Variants in LURAP1L observed in about 807,000 individuals in gnomAD.
LURAP1L encodes the protein leucine rich adaptor protein 1 like, also known as leucine rich adaptor protein 1-like.
Under a neutral mutation model 13.8 loss-of-function variants are expected in LURAP1L, and 12 were observed. That is an observed-to-expected ratio of 0.87 (90% CI 0.56 to 1.41). The LOEUF (loss-of-function observed/expected upper bound fraction) is 1.41, where lower values mean the gene tolerates loss of function less well. Ranked by LOEUF, LURAP1L falls within the 40% of genes most tolerant of loss-of-function variation. The probability of loss-of-function intolerance (pLI) is 0.00; values close to 1 mark genes in which losing one functional copy is unlikely to be tolerated. For missense variants in LURAP1L, 375 were observed against 292.9 expected (o/e 1.28, Z -2.04); for synonymous variants, 139 against 119.2 (o/e 1.17, Z -1.08).
In LURAP1L at chr9:12,821,619, T is replaced by C; in HGVS notation, c.546T>C (p.Tyr182=). 1.2e-6 allele frequency: 2 copies of C among 1,614,198 alleles called. No homozygotes were observed. The highest frequency in any genetic ancestry group is 1.7e-6 in the Non-Finnish European group (2 of 1,180,036). Residue 182 remains tyrosine (Y), a synonymous_variant, in exon 2 of 2, where the codon TAT becomes TAC. Coordinates refer to ENST00000319264, the MANE Select transcript of LURAP1L (RefSeq NM_203403.2). ...TGGATGGCATTTCCGTGGGAAGTTA[T>C]CTGGACACGTTGGCGGATGATGTCC... ...DGLDGISVGS[Y]LDTLADDVPG...
chr9:12,781,960 G>A (rs892929788), intron 1 of LURAP1L, among the ~76,000 whole-genome samples: 6 of 152,190 alleles, frequency 3.9e-5, no homozygotes, highest in Non-Finnish European at 8.8e-5. Flanking sequence ...TATAACTGGG[G>A]TGAGATAATA....
At chr9:12,782,270 A>AT (rs1358353518) in intron 1 of LURAP1L, among the ~76,000 whole-genome samples, 1 of 151,998 alleles carries the variant, frequency 6.6e-6, no homozygotes, top group Non-Finnish European at 1.5e-5. Flanking sequence ...ATGTGATCCC[A>AT]TTTTTCCATT....
intron 1 of LURAP1L, among the ~76,000 whole-genome samples, chr9:12,800,322 A>G (rs1355275092): frequency 6.6e-6 from 1 of 152,214 alleles, no homozygotes; most frequent in African/African-American, 2.4e-5. Flanking sequence ...TTTGGATTAG[A>G]AAATTGGTAT....
intron 1 of LURAP1L, among the ~76,000 whole-genome samples, chr9:12,791,904 T>C (rs998003466): frequency 6.6e-6 from 1 of 152,120 alleles, no homozygotes; most frequent in African/African-American, 2.4e-5. Flanking sequence ...GTCACTTTAT[T>C]TCTGCTGACT....
chr9:12,801,297 T>C (rs1487069636), intron 1 of LURAP1L, among the ~76,000 whole-genome samples: 1 of 151,082 alleles, frequency 6.6e-6, no homozygotes, highest in East Asian at 1.9e-4. Context: ...TAGGATATTA[T>C]GTTAAATGTG....
At chr9:12,818,145 A>G (rs573914540) in intron 1 of LURAP1L, among the ~76,000 whole-genome samples, 1 of 152,100 alleles carries the variant, frequency 6.6e-6, no homozygotes, top group Non-Finnish European at 1.5e-5. Context: ...AAAAAAAAAA[A>G]AAAGATTTTC....
chr9:12,794,832 A>G (rs1819490737), intron 1 of LURAP1L, among the ~76,000 whole-genome samples: 1 of 151,754 alleles, frequency 6.6e-6, no homozygotes, highest in South Asian at 2.1e-4. Context: ...GACTAAAGAT[A>G]TGTTTTTAGG....
Position 12,782,417 on chromosome 9 carries a change from T to C in LURAP1L, c.312+6390T>C, listed in dbSNP as rs115877007. Among the ~76,000 whole-genome samples the C allele has an allele frequency of 5.7e-3, 868 of 152,314 alleles. 7 individuals carry two copies. Among genetic ancestry groups the C allele is most frequent in the African/African-American group, 0.02 (848 of 41,588 alleles). Reference sequence around the variant, plus strand: ...TAAGTCTTTGATTAGATTTTGTATATGGCAAGAGATAGGGGTCTAGTTTCA... The same window carrying C: ...TAAGTCTTTGATTAGATTTTGTATACGGCAAGAGATAGGGGTCTAGTTTCA... On this transcript the variant is annotated intron_variant, in intron 1 of 1. Coordinates refer to ENST00000319264, the MANE Select transcript of LURAP1L (RefSeq NM_203403.2).
intron 1 of LURAP1L, among the ~76,000 whole-genome samples, chr9:12,779,266 CTTTTT>C (rs71329885): frequency 1.1e-5 from 1 of 90,254 alleles, no homozygotes; most frequent in Non-Finnish European, 2.1e-5. Flanking sequence ...ATCTTATAAT[CTTTTT>C]TTTTTTTTTT....
At chr9:12,793,647 T>A (rs933002010) in intron 1 of LURAP1L, among the ~76,000 whole-genome samples, 10 of 152,090 alleles carry the variant, frequency 6.6e-5, no homozygotes, top group African/African-American at 2.4e-4. Context: ...TCATACATGA[T>A]ATGATCAAAA....
At chr9:12,802,148 C>T (rs947489918) in intron 1 of LURAP1L, among the ~76,000 whole-genome samples, 26 of 152,154 alleles carry the variant, frequency 1.7e-4, no homozygotes, top group Admixed American at 3.3e-4. Flanking sequence ...TTTTCTGTAA[C>T]TTCCTTTGTT....
chr9:12,808,218 T>C (rs1202479262), intron 1 of LURAP1L, among the ~76,000 whole-genome samples: 1 of 152,136 alleles, frequency 6.6e-6, no homozygotes, highest in African/African-American at 2.4e-5. Flanking sequence ...TTTTCTTCTC[T>C]CTGAAGAACT....
intron 1 of LURAP1L, among the ~76,000 whole-genome samples, chr9:12,792,352 A>G (rs915525114): frequency 1.3e-5 from 2 of 152,158 alleles, no homozygotes; most frequent in African/African-American, 2.4e-5. Context: ...TGTCTAAAAA[A>G]AAAGATTTCT....
At chr9:12,814,442 T>C (rs1054100427) in intron 1 of LURAP1L, 4 of 152,208 alleles carry the variant, frequency 2.6e-5, no homozygotes, top group African/African-American at 9.6e-5. Flanking sequence ...TAAATTACTC[T>C]TTGCACATTC....
At chr9:12,780,163 G>T (rs112548084) in intron 1 of LURAP1L, among the ~76,000 whole-genome samples, 96 of 152,288 alleles carry the variant, frequency 6.3e-4, no homozygotes, top group African/African-American at 2.3e-3. Flanking sequence ...TCCCTAGAAA[G>T]AACTAGAAAC....
chr9:12,804,904 G>A (rs1819635605), intron 1 of LURAP1L, among the ~76,000 whole-genome samples: 1 of 151,954 alleles, frequency 6.6e-6, no homozygotes, highest in African/African-American at 2.4e-5. Flanking sequence ...CAGCCCACCT[G>A]TTTTTGTAAA....
intron 1 of LURAP1L, among the ~76,000 whole-genome samples, chr9:12,815,714 C>T (rs987613856): frequency 2.6e-5 from 4 of 152,030 alleles, no homozygotes; most frequent in Non-Finnish European, 5.9e-5. Context: ...TTATGAGAAA[C>T]CTGAGTATAT....
At chr9:12,802,226 T>C (rs1022411202) in intron 1 of LURAP1L, among the ~76,000 whole-genome samples, 1 of 152,186 alleles carries the variant, frequency 6.6e-6, no homozygotes, top group Non-Finnish European at 1.5e-5. Flanking sequence ...TAAGCTATTT[T>C]GAGGGCAGCT....
chr9:12,811,754 T>C (rs116787624), intron 1 of LURAP1L, among the ~76,000 whole-genome samples: 2,556 of 152,284 alleles, frequency 0.017, 80 homozygotes, highest in African/African-American at 0.059. Context: ...ATAACAAATA[T>C]CCCAAATCTT....
Sources: allele counts gnomAD v4.1 joint callset (sites outside exome capture counted in the v4.1 genomes callset), GRCh38; gene constraint gnomAD v4.1.1; transcripts MANE v1.5; gene names NCBI Gene and HGNC (gene_info 2026-07-23, HGNC 2026-07-21).